Variants in SNAP91 observed in about 807,000 individuals in gnomAD.
SNAP91 encodes clathrin coat assembly protein AP180.
SNAP91 carries 27 observed loss-of-function variants against 100.3 expected under a neutral mutation model. The observed-to-expected ratio is 0.27, with a 90% CI of 0.20 to 0.37. The LOEUF (loss-of-function observed/expected upper bound fraction) is 0.37. Ranked by LOEUF, SNAP91 falls within the 10% of genes least tolerant of loss-of-function variation. The pLI is 1.00. For synonymous variants in SNAP91, 404 were observed against 398.6 expected, an observed-to-expected ratio of 1.01 and a Z score of -0.16; for missense variants, 986 against 1,123.7, an observed-to-expected ratio of 0.88 and a Z score of 1.75.
intron 16 of SNAP91, among the ~76,000 whole-genome samples, chr6:83,600,157 A>G (rs1365991353): frequency 1.3e-5 from 2 of 152,138 alleles, no homozygotes; most frequent in African/African-American, 4.8e-5. Context: ...CTCCTGTTCC[A>G]TAGGAATGGA....
At chr6:83,683,452 G>A (rs532272101) in intron 2 of SNAP91, among the ~76,000 whole-genome samples, 1 of 152,204 alleles carries the variant, frequency 6.6e-6, no homozygotes, top group South Asian at 2.1e-4. Context: ...TAGTTAATGG[G>A]AGATCTGATT....
At chr6:83,665,329 CTT>C in intron 3 of SNAP91, 108 bp downstream of exon 3, 1 of 1,079,252 alleles carries the variant, frequency 9.3e-7, no homozygotes, top group South Asian at 1.6e-5. Flanking sequence ...TGTGTATTTC[CTT>C]TTCTTTTTCT....
At chr6:83,599,251 G>T (rs535036380) in intron 16 of SNAP91, among the ~76,000 whole-genome samples, 1 of 151,958 alleles carries the variant, frequency 6.6e-6, no homozygotes, top group African/African-American at 2.4e-5. Flanking sequence ...TTATTCTAGA[G>T]GGCTATGCAG....
chr6:83,611,025 A>T (rs2096019575), intron 11 of SNAP91, among the ~76,000 whole-genome samples: 1 of 152,066 alleles, frequency 6.6e-6, no homozygotes, highest in Admixed American at 6.5e-5. Context: ...CAAACTGTCT[A>T]AATGGGAATT....
chr6:83,650,577 C>G (rs1211555310), intron 7 of SNAP91, among the ~76,000 whole-genome samples: 2 of 152,086 alleles, frequency 1.3e-5, no homozygotes, highest in Non-Finnish European at 1.5e-5. Context: ...ACCACCACAC[C>G]CAGCTAATTT....
At chr6:83,693,059 T>C (rs2099151523) in intron 2 of SNAP91, among the ~76,000 whole-genome samples, 1 of 152,234 alleles carries the variant, frequency 6.6e-6, no homozygotes, top group African/African-American at 2.4e-5. Context: ...CCTGATGTTT[T>C]AACTGTTTTT....
intron 7 of SNAP91, among the ~76,000 whole-genome samples, chr6:83,648,433 A>G (rs2098052124): frequency 6.6e-6 from 1 of 151,084 alleles, no homozygotes; most frequent in Non-Finnish European, 1.5e-5. Flanking sequence ...TAGTCCTTGT[A>G]TGGATACTGG....
chr6:83,560,158 A>T lies in SNAP91; in HGVS notation c.2577T>A (p.Phe859Leu). The T allele has an allele frequency of 6.2e-7, 1 of 1,613,952 alleles. No homozygotes were observed. Among genetic ancestry groups the T allele is most frequent in the South Asian group, 1.1e-5 (1 of 91,080 alleles). ...AGGGGGGCCTCATCATGGGCTGTGC[A>T]AACATGACCGGCTGCTGAGGCATCA... is the stretch of plus-strand genomic sequence containing the variant. Reference protein sequence around the residue: ...MPMMPQQPVMFAQPMMRPPFG... With the variant: ...MPMMPQQPVMLAQPMMRPPFG... Residue 859 changes from phenylalanine to leucine, a missense_variant, in exon 28 of 30, where the codon TTT becomes TTA. Around this residue, in one of 4 missense-constraint regions of SNAP91, gnomAD observed 71 missense variants for 68.5 expected, o/e 1.04. Coordinates refer to ENST00000369694, the MANE Select transcript of SNAP91 (RefSeq NM_001242792.2).
intron 7 of SNAP91, among the ~76,000 whole-genome samples, chr6:83,644,602 T>C (rs2097845504): frequency 6.6e-6 from 1 of 152,210 alleles, no homozygotes; most frequent in Non-Finnish European, 1.5e-5. Flanking sequence ...TAGTATTAAC[T>C]TTTGAAGGAT....
chr6:83,662,360 T>C lies in SNAP91; in HGVS notation c.336A>G (p.Lys112=). 1 of 1,436,566 alleles carries C rather than the reference T, an allele frequency of 7.0e-7. No individual in the cohort carries two copies. Among genetic ancestry groups the C allele is most frequent in the East Asian group, 2.5e-5 (1 of 39,364 alleles). The allele number at this position is 1,436,566 out of a possible 1,614,324, so 89.0% of individuals were successfully genotyped here. A position where few individuals can be genotyped will look rare whatever the true frequency, so the allele number is the denominator to read the frequency against. The stretch of plus-strand genomic sequence containing the variant: ...AAATATTCTCACCATGGGATCCACT[T>C]TTGTCCAAAAAATTGCTGAGATTGA... ...TLFNLSNFLD[K]SGSHGYDMST... The change falls in exon 4 of 30, where the codon AAA becomes AAG. Residue 112 remains lysine (K), a synonymous_variant. Coordinates refer to ENST00000369694, the MANE Select transcript of SNAP91 (RefSeq NM_001242792.2).
chr6:83,555,223 G>A (rs1478572997), intron 29 of SNAP91, among the ~76,000 whole-genome samples: 6 of 148,434 alleles, frequency 4.0e-5, no homozygotes, highest in African/African-American at 2.5e-5. Context: ...TCTTGTATAA[G>A]AAAAAAAAAA....
intron 7 of SNAP91, among the ~76,000 whole-genome samples, chr6:83,651,384 T>A (rs1385021304): frequency 1.3e-5 from 2 of 152,216 alleles, no homozygotes; most frequent in Non-Finnish European, 2.9e-5. Flanking sequence ...CATTTGATAC[T>A]ACAAATTTCC....
At chr6:83,619,784 C>A (rs964922227) in intron 9 of SNAP91, among the ~76,000 whole-genome samples, 1 of 152,052 alleles carries the variant, frequency 6.6e-6, no homozygotes, top group Non-Finnish European at 1.5e-5. Flanking sequence ...TTAAAAAATT[C>A]TTTTCTCGGA....
chr6:83,555,784 G>A (rs1452575502), intron 29 of SNAP91, among the ~76,000 whole-genome samples: 1 of 152,130 alleles, frequency 6.6e-6, no homozygotes, highest in African/African-American at 2.4e-5. Flanking sequence ...ATTCTTAGAT[G>A]ATTTCTAAAT....
In SNAP91 at chr6:83,591,003, T is replaced by C. The variant is rs1174210684; in HGVS notation, c.2014+208A>G. Among the ~76,000 whole-genome samples the C allele has an allele frequency of 3.9e-5, 6 of 152,318 alleles. No homozygotes were observed. In the East Asian group the frequency reaches 9.7e-4, roughly 25 times the overall value. ...GTTACATGGGTGTACTATGAGATGC[T>C]GAAGTTTGGGGTATGATTGATCCTG... On this transcript the variant is annotated intron_variant, in intron 22 of 29. Coordinates refer to ENST00000369694, the MANE Select transcript of SNAP91 (RefSeq NM_001242792.2).
chr6:83,625,643 A>G (rs959265489), intron 8 of SNAP91, among the ~76,000 whole-genome samples: 3 of 152,150 alleles, frequency 2.0e-5, no homozygotes, highest in African/African-American at 7.2e-5. Context: ...AGTGATGCTA[A>G]GCATTTTTTC....
chr6:83,671,412 G>T (rs1294584491), intron 2 of SNAP91, among the ~76,000 whole-genome samples: 1 of 151,982 alleles, frequency 6.6e-6, no homozygotes, highest in Non-Finnish European at 1.5e-5. Flanking sequence ...CACATTTTCT[G>T]CATGTATGAT....
At position 83,591,281 on chromosome 6, in the gene SNAP91, A is replaced by G. The variant is rs990385127; in HGVS notation, c.1944T>C (p.Ser648=). The change falls in exon 22 of 30, where the codon AGT becomes AGC. Residue 648 remains serine, a synonymous_variant. Coordinates refer to ENST00000369694, the MANE Select transcript of SNAP91 (RefSeq NM_001242792.2). Reference sequence around the variant, plus strand: ...ATGCAGGTTGGGGTTCAGAAGCACTACTTCCAAATGCATCTATCCGTTATC... The same window carrying G: ...ATGCAGGTTGGGGTTCAGAAGCACTGCTTCCAAATGCATCTATCCGTTATC... ...VIDLFGDAFG[S]SASEPQPASQ... 8 of 1,610,934 alleles carry G rather than the reference A, an allele frequency of 5.0e-6. No homozygotes were observed. The highest frequency in any genetic ancestry group is 3.3e-4 in the Middle Eastern group (2 of 6,078).
At chr6:83,656,671 G>A in intron 7 of SNAP91, 83 bp downstream of exon 7, 1 of 473,544 alleles carries the variant, frequency 2.1e-6, no homozygotes. Context: ...CCCACCAAGT[G>A]AGACAACAGA....
Sources: allele counts gnomAD v4.1 joint callset (sites outside exome capture counted in the v4.1 genomes callset), GRCh38; gene constraint gnomAD v4.1.1; regional missense constraint gnomAD v4.1.1; transcripts MANE v1.5; gene names NCBI Gene and HGNC (gene_info 2026-07-23, HGNC 2026-07-21).